The following LYST variants were observed in gnomAD, a reference collection of about 807,000 sequenced individuals.
The protein encoded by LYST is lysosomal trafficking regulator, also known as lysosomal-trafficking regulator.
LYST carries 192 observed loss-of-function variants against 413.6 expected under a neutral mutation model. That is an observed-to-expected ratio of 0.46 (90% confidence interval 0.41 to 0.52). The LOEUF (loss-of-function observed/expected upper bound fraction) is 0.52. Among genes scored for constraint, LYST ranks in the 20% least tolerant of loss-of-function variants. The pLI, the probability that LYST is intolerant of heterozygous loss-of-function variation, is 0.00. For synonymous variants in LYST, 1,525 were observed against 1,567.3 expected, an observed-to-expected ratio of 0.97 and a Z score of 0.64; for missense variants, 3,815 against 4,499.9, an observed-to-expected ratio of 0.85 and a Z score of 4.35.
At chr1:235,692,457 T>C (rs1660737927) in intron 47 of LYST, among the ~76,000 whole-genome samples, 1 of 151,278 alleles carries the variant, frequency 6.6e-6, no homozygotes. Flanking sequence ...CTTGGCTCAC[T>C]GCAACCTCTG....
intron 8 of LYST, 77 bp from the exon 9 acceptor site, chr1:235,801,174 A>T (rs1394659519): frequency 4.2e-6 from 4 of 949,234 alleles, no homozygotes; most frequent in Non-Finnish European, 6.8e-6. Context: ...CATTTAGAAG[A>T]TCTAGTGGCA....
chr1:235,883,540 A>G (rs1446263623), exon 1 of LYST: 1 of 152,708 alleles, frequency 6.5e-6, no homozygotes, highest in Non-Finnish European at 1.5e-5. Flanking sequence ...CGTAAGAATG[A>G]ATAAACACTG....
At chr1:235,780,410 A>T (rs182747659) in intron 16 of LYST, among the ~76,000 whole-genome samples, 1 of 152,196 alleles carries the variant, frequency 6.6e-6, no homozygotes, top group Admixed American at 6.5e-5. Flanking sequence ...TCTCTTAAAA[A>T]AAAAAATAAA....
intron 40 of LYST, among the ~76,000 whole-genome samples, chr1:235,717,696 T>G (rs574967110): frequency 6.7e-6 from 1 of 148,986 alleles, no homozygotes; most frequent in East Asian, 1.9e-4. Context: ...CTTAACCACA[T>G]GTTGATACAT....
intron 17 of LYST, among the ~76,000 whole-genome samples, chr1:235,776,130 G>T (rs1669206086): frequency 6.6e-6 from 1 of 152,002 alleles, no homozygotes; most frequent in Non-Finnish European, 1.5e-5. Context: ...CAAAATATTG[G>T]TGAGGAGTTA....
chr1:235,840,161 A>C (rs967983474), intron 1 of LYST: 8 of 152,228 alleles, frequency 5.3e-5, no homozygotes, highest in African/African-American at 1.4e-4. Flanking sequence ...CTCTGCCCTC[A>C]AGAAGATTAC....
intron 1 of LYST, among the ~76,000 whole-genome samples, chr1:235,882,013 G>A (rs753647581): frequency 2.7e-5 from 4 of 150,510 alleles, no homozygotes; most frequent in African/African-American, 7.4e-5. Flanking sequence ...TGGGTAAGAC[G>A]ATAAATTTTA....
At chr1:235,830,083 G>A (rs935794482) in intron 3 of LYST, 143 bp downstream of exon 3, 4 of 643,480 alleles carry the variant, frequency 6.2e-6, no homozygotes, top group South Asian at 3.7e-5. Flanking sequence ...GTTATAAATA[G>A]GTCCACTTTT....
intron 21 of LYST, among the ~76,000 whole-genome samples, chr1:235,763,231 T>C (rs1667770212): frequency 6.6e-6 from 1 of 152,260 alleles, no homozygotes; most frequent in Non-Finnish European, 1.5e-5. Context: ...CAGTGTCTAA[T>C]ATTTGTAAAA....
chr1:235,677,772 A>C (rs929701988), intron 48 of LYST, among the ~76,000 whole-genome samples, 153 bp from the exon 49 acceptor site: 1 of 152,190 alleles, frequency 6.6e-6, no homozygotes, highest in African/African-American at 2.4e-5. Flanking sequence ...AAAGAAATTA[A>C]AAAATTTTTA....
intron 1 of LYST, among the ~76,000 whole-genome samples, chr1:235,843,266 T>C (rs1387838138): frequency 6.6e-6 from 1 of 152,156 alleles, no homozygotes; most frequent in Non-Finnish European, 1.5e-5. Flanking sequence ...TAAGTAAATA[T>C]TTTAATAGAT....
intron 24 of LYST, among the ~76,000 whole-genome samples, chr1:235,757,051 G>C (rs1259259707): frequency 6.6e-6 from 1 of 151,900 alleles, no homozygotes; most frequent in Non-Finnish European, 1.5e-5. Flanking sequence ...ACTTAAAGCT[G>C]GATGATGCAA....
At chr1:235,803,634 C>T (rs1672489034) in intron 7 of LYST, among the ~76,000 whole-genome samples, 1 of 152,068 alleles carries the variant, frequency 6.6e-6, no homozygotes, top group African/African-American at 2.4e-5. Flanking sequence ...AAAAATTCCA[C>T]TAATACCTTC....
chr1:235,871,983 A>G (rs1680944448), intron 1 of LYST, among the ~76,000 whole-genome samples: 1 of 152,162 alleles, frequency 6.6e-6, no homozygotes, highest in African/African-American at 2.4e-5. Flanking sequence ...AAATATACAA[A>G]TTTATTTAAT....
At position 235,770,234 on chromosome 1, in the gene LYST, G is replaced by A; in HGVS notation, c.5848C>T (p.Gln1950Ter). Residue 1950 changes from glutamine to a stop codon, truncating the protein, a stop_gained, in exon 20 of 53, where the codon CAG becomes TAG. Transcript: ENST00000389793. LOFTEE classifies it high-confidence loss of function. ...EVLIRADHHQ[Q>*]MFNIKQLLKA... ...AATAACTGCTTAATATTAAACATCT[G>A]CTGGTGGTGATCTGCTCTGATGAGG... 6.2e-7 allele frequency: 1 copy of A among 1,613,676 alleles called. No individual in the cohort carries two copies. The highest frequency in any genetic ancestry group is 8.5e-7 in the Non-Finnish European group (1 of 1,179,660).
chr1:235,737,875 T>C (rs1664952893), intron 31 of LYST: 1 of 1,093,754 alleles, frequency 9.1e-7, no homozygotes, highest in Non-Finnish European at 1.1e-6. Context: ...CTTGACTGAC[T>C]GTATTTAAAG....
chr1:235,678,239 G>A lies in LYST; in HGVS notation c.10801-620C>T, dbSNP rs1318183819. Among the ~76,000 whole-genome samples, 6 of 152,162 alleles carry A rather than the reference G, an allele frequency of 3.9e-5. No homozygotes were observed. In the East Asian group the frequency reaches 1.2e-3, roughly 29 times the overall value. On this transcript the variant is annotated intron_variant, in intron 48 of 52. Transcript: ENST00000389793. The stretch of plus-strand genomic sequence containing the variant: ...GGAGGCCGAGGCAGGCAGATCATGA[G>A]GTCAGGAGGTCGAGACCAGCCTGGC...
rs983729024 is a variant in LYST, at chr1:235,738,394, G to A, written c.8358+3028C>T. Reference sequence around the variant, plus strand: ...TTGTAAAATACAGCCCGAACTGCAAGTTGCTTATTGTTTCAAATCCAGTGG... The same window carrying A: ...TTGTAAAATACAGCCCGAACTGCAAATTGCTTATTGTTTCAAATCCAGTGG... On this transcript the variant is annotated intron_variant, in intron 31 of 52. Coordinates refer to ENST00000389793, the MANE Select transcript of LYST (RefSeq NM_000081.4). The A allele has an allele frequency of 5.0e-6, 8 of 1,613,282 alleles. No homozygotes were observed. The African/African-American group carries it at 1.1e-4, about 22-fold the overall frequency.
rs553528250 is a variant in LYST, at chr1:235,772,182, G to A, written c.5784+1660C>T. ...AGAGGTTGCAGGGAGCCAAGATGGT[G>A]CCACTGCATTTTAGCCTGGGTGACA... On this transcript the variant is annotated intron_variant, in intron 19 of 52. Transcript: ENST00000389793. Among the ~76,000 whole-genome samples the A allele has an allele frequency of 1.7e-4, 26 of 152,170 alleles. 1 individual carries two copies. The highest frequency in any genetic ancestry group is 6.3e-4 in the African/African-American group (26 of 41,548).
Sources: allele counts gnomAD v4.1 joint callset (sites outside exome capture counted in the v4.1 genomes callset), GRCh38; gene constraint gnomAD v4.1.1; transcripts MANE v1.5; gene names NCBI Gene and HGNC (gene_info 2026-07-23, HGNC 2026-07-21).